CKAP5: variants seen among roughly 807,000 people sequenced by gnomAD.
The protein encoded by CKAP5 is cytoskeleton-associated protein 5.
Under a neutral mutation model 232.8 loss-of-function variants are expected in CKAP5, and 27 were observed. The ratio of observed to expected loss-of-function variants is 0.12; its 90% CI spans 0.09 to 0.16. The LOEUF (loss-of-function observed/expected upper bound fraction) is 0.16. Ranked by LOEUF, CKAP5 falls within the 10% of genes least tolerant of loss-of-function variation. The pLI is 1.00. For missense variants in CKAP5, 1,838 were observed against 2,424.7 expected (o/e 0.76, Z 5.08); for synonymous variants, 785 against 841.1 (o/e 0.93, Z 1.16).
intron 31 of CKAP5, chr11:46,762,417 A>C: frequency 2.3e-6 from 2 of 864,618 alleles, no homozygotes; most frequent in Non-Finnish European, 3.9e-6. Flanking sequence ...TGTGCACTTG[A>C]TTTTGTCACC....
At chr11:46,788,174 G>T (rs1368339704) in intron 16 of CKAP5, among the ~76,000 whole-genome samples, 1 of 152,216 alleles carries the variant, frequency 6.6e-6, no homozygotes, top group Admixed American at 6.5e-5. Context: ...AGAGTTATAT[G>T]TGAAGTTTCA....
chr11:46,797,745 G>T, intron 11 of CKAP5, 60 bp downstream of exon 11: 3 of 1,491,074 alleles, frequency 2.0e-6, no homozygotes, highest in Non-Finnish European at 2.7e-6. Context: ...TACATAATTT[G>T]CAGGAAAAGA....
chr11:46,827,269 T>C (rs1191761440), intron 1 of CKAP5, among the ~76,000 whole-genome samples: 3 of 152,120 alleles, frequency 2.0e-5, no homozygotes, highest in South Asian at 2.1e-4. Flanking sequence ...TTAACCTCCT[T>C]TGGACTCGAG....
rs536395030 is a variant in CKAP5 at position 46,769,909 on chromosome 11, T to C, written c.3322+54A>G. Reference sequence around the variant, plus strand: ...AAAAAGACAAGGCTGAATGTCTTTTTAGAGTTCCTCAGGGCTATTTCCTTC... The same window carrying C: ...AAAAAGACAAGGCTGAATGTCTTTTCAGAGTTCCTCAGGGCTATTTCCTTC... On this transcript the variant is annotated intron_variant, in intron 26 of 43. Transcript: ENST00000529230. 5 of 1,587,026 alleles carry C rather than the reference T, an allele frequency of 3.2e-6. No homozygotes were observed. The African/African-American group carries it at 4.0e-5, about 13-fold the overall frequency.
intron 18 of CKAP5, 153 bp downstream of exon 18, chr11:46,783,121 C>A (rs561849190): frequency 1.2e-5 from 6 of 481,336 alleles, no homozygotes; most frequent in African/African-American, 1.2e-4. Context: ...CAATATAGAC[C>A]TTTGAGAACA....
At position 46,790,372 on chromosome 11, in the gene CKAP5, T is replaced by A. The variant is rs1938691253; in HGVS notation, c.1764+98A>T. On this transcript the variant is annotated intron_variant, in intron 14 of 43. Coordinates refer to ENST00000529230, the MANE Select transcript of CKAP5 (RefSeq NM_001008938.4). Reference sequence around the variant, plus strand: ...TTTCAATAAGCTAAAAAATATCAATTAACTGTACGTTGTAGAACCCAGCAA... The same window carrying A: ...TTTCAATAAGCTAAAAAATATCAATAAACTGTACGTTGTAGAACCCAGCAA... The A allele has an allele frequency of 3.2e-6, 3 of 938,236 alleles. No individual in the cohort carries two copies. In the East Asian group the frequency reaches 7.3e-5, roughly 23 times the overall value. The allele number at this position is 938,236 out of a possible 1,614,324, so 58.1% of individuals were successfully genotyped here. A position where few individuals can be genotyped will look rare whatever the true frequency, so the allele number is the denominator to read the frequency against.
chr11:46,770,404 G>A (rs1056397875), intron 25 of CKAP5: 64 of 356,870 alleles, frequency 1.8e-4, no homozygotes, highest in Middle Eastern at 8.3e-4. Flanking sequence ...GAGGTAATAT[G>A]GTTTTTTCCT....
At chr11:46,835,048 C>T (rs1377247948) in intron 1 of CKAP5, among the ~76,000 whole-genome samples, 3 of 151,724 alleles carry the variant, frequency 2.0e-5, no homozygotes, top group African/African-American at 2.4e-5. Flanking sequence ...TTTCGTTTCG[C>T]GACCTTTGTG....
intron 1 of CKAP5, among the ~76,000 whole-genome samples, chr11:46,828,142 C>T (rs1306089628): frequency 1.3e-5 from 2 of 150,172 alleles, no homozygotes; most frequent in Admixed American, 1.3e-4. Flanking sequence ...TTTAAGAATC[C>T]AAAGAACAGT....
intron 1 of CKAP5, among the ~76,000 whole-genome samples, chr11:46,837,035 A>T (rs1245680654): frequency 6.6e-6 from 1 of 152,242 alleles, no homozygotes; most frequent in Non-Finnish European, 1.5e-5. Context: ...TGACCTAAGT[A>T]GCTTTGGTAA....
chr11:46,755,954 T>A (rs1264498156), intron 35 of CKAP5, among the ~76,000 whole-genome samples: 1 of 152,136 alleles, frequency 6.6e-6, no homozygotes, highest in Non-Finnish European at 1.5e-5. Context: ...ATACTTATGT[T>A]TAAATGTTCA....
rs780895534 is a variant in CKAP5, at chr11:46,762,991, G to A, written c.3876C>T (p.Pro1292=). 2.5e-6 allele frequency: 4 copies of A among 1,613,360 alleles called. No individual in the cohort carries two copies. The highest frequency in any genetic ancestry group is 3.4e-6 in the Non-Finnish European group (4 of 1,179,528). The change falls in exon 30 of 44, where the codon CCC becomes CCT. Residue 1292 remains proline, a synonymous_variant. Coordinates refer to ENST00000529230, the MANE Select transcript of CKAP5 (RefSeq NM_001008938.4). ...ACCACATTACCTTGACGACAAGATA[G>A]GGGATGAAGGAAGATGCTTCATTCT... ...LTENEASSFI[P]YLVVKVGEPK...
At chr11:46,793,776 T>G (rs1179582744) in intron 13 of CKAP5, among the ~76,000 whole-genome samples, 1 of 152,018 alleles carries the variant, frequency 6.6e-6, no homozygotes, top group Non-Finnish European at 1.5e-5. Flanking sequence ...TAGAAAAAAT[T>G]AGCTGGGCAT....
intron 38 of CKAP5, among the ~76,000 whole-genome samples, chr11:46,752,234 G>A (rs1460474509): frequency 1.4e-4 from 12 of 86,546 alleles, no homozygotes; most frequent in Non-Finnish European, 2.3e-4. Flanking sequence ...ACACACACAC[G>A]TGTATTATAT....
rs747589124 is a variant in CKAP5, at chr11:46,750,558, C to G, written c.5514G>C (p.Lys1838Asn). The G allele has an allele frequency of 1.9e-6, 3 of 1,613,962 alleles. No individual in the cohort carries two copies. ...TAGTGTTTTCTTTAGAGCCAATCTT[C>G]TTAAAAATCTCAGCTAAGAAATCAT... The part of the protein sequence containing the change: ...KVNDFLAEIF[K>N]KIGSKENTKE... The change falls in exon 41 of 44, where the codon AAG becomes AAC. Residue 1838 changes from lysine to asparagine, a missense_variant. Coordinates refer to ENST00000529230, the MANE Select transcript of CKAP5 (RefSeq NM_001008938.4).
chr11:46,775,480 C>T (rs1028582469), intron 24 of CKAP5, among the ~76,000 whole-genome samples: 1 of 152,156 alleles, frequency 6.6e-6, no homozygotes, highest in African/African-American at 2.4e-5. Flanking sequence ...TGGGTAATAC[C>T]CAAAAGATTA....
intron 1 of CKAP5, among the ~76,000 whole-genome samples, chr11:46,838,084 A>G (rs2134719486): frequency 6.6e-6 from 1 of 152,326 alleles, no homozygotes; most frequent in East Asian, 1.9e-4. Flanking sequence ...TACCCTTGAT[A>G]TGATGTGATG....
At chr11:46,744,653 C>T (rs2065009608) in intron 42 of CKAP5, 76 bp from the exon 43 acceptor site, 3 of 1,338,024 alleles carry the variant, frequency 2.2e-6, no homozygotes, top group African/African-American at 1.5e-5. Flanking sequence ...TAATCTCCCA[C>T]CAAAAAGAAC....
intron 1 of CKAP5, among the ~76,000 whole-genome samples, chr11:46,838,546 C>T (rs138836474): frequency 0.019 from 2,695 of 142,768 alleles, 84 homozygotes; most frequent in African/African-American, 0.067. Flanking sequence ...TTTGGGAGGC[C>T]GAGGCAGGCA....
Sources: allele counts gnomAD v4.1 joint callset (sites outside exome capture counted in the v4.1 genomes callset), GRCh38; gene constraint gnomAD v4.1.1; transcripts MANE v1.5; gene names NCBI Gene and HGNC (gene_info 2026-07-23, HGNC 2026-07-21).